The following EDRF1 variants were observed in gnomAD, a reference collection of about 807,000 sequenced individuals.
The protein encoded by EDRF1 is erythroid differentiation regulatory factor 1, also known as erythroid differentiation-related factor 1.
EDRF1 carries 69 observed loss-of-function variants against 148.7 expected under a neutral mutation model. That is an observed-to-expected ratio of 0.46 (90% CI 0.38 to 0.57). EDRF1 has a LOEUF of 0.57. EDRF1 is among the 20% of genes least tolerant of loss of function. EDRF1 has a pLI of 0.00. For missense variants in EDRF1, 1,118 were observed against 1,478.7 expected, an observed-to-expected ratio of 0.76 and a Z score of 4.00; for synonymous variants, 515 against 532.8, an observed-to-expected ratio of 0.97 and a Z score of 0.46.
intron 6 of EDRF1, among the ~76,000 whole-genome samples, chr10:125,728,358 C>T (rs1848356518): frequency 6.6e-6 from 1 of 151,968 alleles, no homozygotes; most frequent in Non-Finnish European, 1.5e-5. Context: ...ATTGTTACTC[C>T]ACAAAAGTGA....
chr10:125,741,243 T>G (rs748201940), intron 17 of EDRF1, 42 bp downstream of exon 17: 5 of 1,551,928 alleles, frequency 3.2e-6, no homozygotes, highest in African/African-American at 2.7e-5. Flanking sequence ...AGTGGGACTG[T>G]GCAGTCTAGC....
chr10:125,762,917 C>G (rs1353987160), intron 24 of EDRF1, among the ~76,000 whole-genome samples: 1 of 152,158 alleles, frequency 6.6e-6, no homozygotes, highest in African/African-American at 2.4e-5. Context: ...CCGTCTGTCA[C>G]TCTCTTGTTT....
At chr10:125,723,030 A>C (rs1337906812) in intron 2 of EDRF1, 38 bp from the exon 3 acceptor site, 2 of 1,482,044 alleles carry the variant, frequency 1.3e-6, no homozygotes, top group South Asian at 2.3e-5. Context: ...GATTATGAGC[A>C]TGACCTCATA....
chr10:125,730,872 T>C (rs1266359488), intron 9 of EDRF1, among the ~76,000 whole-genome samples: 1 of 152,184 alleles, frequency 6.6e-6, no homozygotes, highest in Non-Finnish European at 1.5e-5. Context: ...GCTAGGCGTG[T>C]TGGCTTATTC....
chr10:125,722,938 T>G (rs1848076881), intron 2 of EDRF1, 130 bp from the exon 3 acceptor site: 2 of 838,726 alleles, frequency 2.4e-6, no homozygotes, highest in Non-Finnish European at 4.2e-6. Context: ...ATACACATCC[T>G]GGTTTCAGAG....
chr10:125,723,252 A>G, intron 3 of EDRF1, 118 bp downstream of exon 3: 1 of 901,902 alleles, frequency 1.1e-6, no homozygotes, highest in Non-Finnish European at 1.9e-6. Flanking sequence ...TGATGAAATA[A>G]GATAAAACTT....
rs1157404001 is a variant in EDRF1 at position 125,749,507 on chromosome 10, C to T, written c.3219C>T (p.Pro1073=). ...AKLFQLLKDA[P]CELLRVQLER... ...TGTTTCAGCTGCTGAAAGATGCTCC[C>T]TGCGAACTGCTTAGAGTACAGCTAG... is the stretch of plus-strand genomic sequence containing the variant. Residue 1073 remains proline (P), a synonymous_variant, in exon 22 of 25, where the codon CCC becomes CCT. Coordinates refer to ENST00000356792, the MANE Select transcript of EDRF1 (RefSeq NM_001202438.2). The T allele has an allele frequency of 6.2e-7, 1 of 1,614,056 alleles. No individual in the cohort carries two copies. Among genetic ancestry groups the T allele is most frequent in the Admixed American group, 1.7e-5 (1 of 60,000 alleles).
At chr10:125,728,632 CA>C (rs1465675448) in intron 6 of EDRF1, among the ~76,000 whole-genome samples, 3 of 152,126 alleles carry the variant, frequency 2.0e-5, no homozygotes, top group Non-Finnish European at 4.4e-5. Flanking sequence ...GCTTGGACTA[CA>C]AGCACATGCC....
intron 17 of EDRF1, 51 bp downstream of exon 17, chr10:125,741,252 G>C: frequency 6.7e-7 from 1 of 1,494,400 alleles, no homozygotes; most frequent in Non-Finnish European, 9.3e-7. Context: ...GTGCAGTCTA[G>C]CTCATGCTTA....
Position 125,735,924 on chromosome 10 carries a change from A to C in EDRF1, c.1758+20A>C. ...ATCAGAGTAAGCCTTTAGAATTTAT[A>C]TTAAATTTTTATCAAGGAAACATAA... On this transcript the variant is annotated intron_variant, in intron 13 of 24. Transcript: ENST00000356792. The C allele has an allele frequency of 6.3e-7, 1 of 1,579,312 alleles. No homozygotes were observed. The highest frequency in any genetic ancestry group is 8.7e-7 in the Non-Finnish European group (1 of 1,153,200).
At chr10:125,750,851 G>A (rs1849601276) in intron 22 of EDRF1, among the ~76,000 whole-genome samples, 1 of 152,220 alleles carries the variant, frequency 6.6e-6, no homozygotes, top group Non-Finnish European at 1.5e-5. Flanking sequence ...GAAGGTTTGG[G>A]GAGAGTGATC....
intron 24 of EDRF1, among the ~76,000 whole-genome samples, chr10:125,754,403 C>G (rs1341207263): frequency 6.6e-6 from 1 of 152,198 alleles, no homozygotes; most frequent in African/African-American, 2.4e-5. Flanking sequence ...GGCAAATACT[C>G]TGTTGTTAAC....
At chr10:125,720,522 A>G (rs563814268) in intron 1 of EDRF1, among the ~76,000 whole-genome samples, 5 of 152,292 alleles carry the variant, frequency 3.3e-5, no homozygotes, top group South Asian at 4.1e-4. Context: ...ATTAAAATAC[A>G]TCTTTGGCCG....
In EDRF1 at chr10:125,735,996, A is replaced by G. The variant is rs534566392; in HGVS notation, c.1758+92A>G. 95 of 1,204,066 alleles carry G rather than the reference A, an allele frequency of 7.9e-5. No individual in the cohort carries two copies. In the South Asian group the frequency reaches 1.2e-3, roughly 16 times the overall value. The allele number at this position is 1,204,066 out of a possible 1,614,324, so 74.6% of individuals were successfully genotyped here. On this transcript the variant is annotated intron_variant, in intron 13 of 24. Coordinates refer to ENST00000356792, the MANE Select transcript of EDRF1 (RefSeq NM_001202438.2). ...CCTTTCAAAAGATACCATTACTTCA[A>G]TAAACCTTTCATGGTCTAGCATCTA...
At chr10:125,738,211 TC>T (rs1444940391) in intron 14 of EDRF1, 83 bp from the exon 15 acceptor site, 162 of 1,536,034 alleles carry the variant, frequency 1.1e-4, no homozygotes, top group Non-Finnish European at 1.4e-4. Flanking sequence ...CTAAACGTAT[TC>T]AGTAGTCCAG....
intron 18 of EDRF1, among the ~76,000 whole-genome samples, chr10:125,744,271 T>G (rs1250842627): frequency 6.6e-6 from 1 of 151,410 alleles, no homozygotes; most frequent in Non-Finnish European, 1.5e-5. Flanking sequence ...CAGGCTAGAA[T>G]GCAGTGGCAT....
intron 3 of EDRF1, among the ~76,000 whole-genome samples, chr10:125,723,589 G>T (rs747318605): frequency 2.2e-4 from 34 of 152,244 alleles, no homozygotes; most frequent in Non-Finnish European, 3.8e-4. Context: ...ATAAATGTTT[G>T]ACTGTCACTA....
At chr10:125,762,806 G>C (rs1257578878) in intron 24 of EDRF1, among the ~76,000 whole-genome samples, 1 of 152,182 alleles carries the variant, frequency 6.6e-6, no homozygotes, top group African/African-American at 2.4e-5. Context: ...GTGTGTTTAT[G>C]ACACAGGAAG....
intron 17 of EDRF1, among the ~76,000 whole-genome samples, chr10:125,742,038 G>A (rs1295783707): frequency 2.6e-5 from 4 of 152,160 alleles, no homozygotes; most frequent in Non-Finnish European, 4.4e-5. Flanking sequence ...GTTCTTCTAG[G>A]TAACACTTGT....
Sources: gnomAD v4.1 joint callset for allele counts (sites outside exome capture counted in the v4.1 genomes callset) on GRCh38, gnomAD v4.1.1 for gene constraint, MANE v1.5 for transcripts, NCBI Gene and HGNC (gene_info 2026-07-23, HGNC 2026-07-21) for gene names.